Variants in ANKRD26 observed in about 807,000 individuals in gnomAD.
ANKRD26 encodes the protein ankyrin repeat domain-containing protein 26.
ANKRD26 carries 141 observed loss-of-function variants against 208.7 expected under a neutral mutation model. The observed-to-expected ratio is 0.68, with a 90% CI of 0.59 to 0.78. The LOEUF is 0.78. ANKRD26 is among the 30% of genes least tolerant of loss of function. ANKRD26 has a pLI of 0.00. For missense variants in ANKRD26, 1,889 were observed against 1,938.7 expected (o/e 0.97, Z 0.48); for synonymous variants, 636 against 660.4 (o/e 0.96, Z 0.57).
At chr10:26,987,157 A>T (rs989512088), downstream of ANKRD26, among the ~76,000 whole-genome samples, 1 of 152,280 alleles carries the variant, frequency 6.6e-6, no homozygotes, top group Admixed American at 6.5e-5. Flanking sequence ...GGAAACCATC[A>T]TTCTCAGCAA....
At chr10:27,025,514 T>G (rs1018241029) in intron 27 of ANKRD26, among the ~76,000 whole-genome samples, 4 of 152,150 alleles carry the variant, frequency 2.6e-5, no homozygotes, top group African/African-American at 7.2e-5. Context: ...GAGATCTACT[T>G]CTTCATCACT....
At position 27,034,806 on chromosome 10, in the gene ANKRD26, G is replaced by A. The variant is rs1564373490; in HGVS notation, c.3644C>T (p.Ala1215Val). ...ERQYQYENEK[A>V]EREVVVRQLQ... ...TTTCTTGATACTTACTTCTCTTTCT[G>A]CCTTTTCATTTTCATATTGATACTG... Residue 1215 changes from alanine to valine, a missense_variant, in exon 24 of 34, where the codon GCA (alanine) becomes GTA (valine). Physicochemically the swap from Ala to Val is moderately conservative, Grantham distance 64. Transcript: ENST00000376087. The A allele has an allele frequency of 1.2e-6, 2 of 1,601,350 alleles. No homozygotes were observed. The highest frequency in any genetic ancestry group is 4.5e-5 in the East Asian group (2 of 44,744).
In ANKRD26 at chr10:27,029,363, C is replaced by T; in HGVS notation, c.3808-7G>A. The T allele has an allele frequency of 2.5e-6, 4 of 1,609,164 alleles. No homozygotes were observed. Among genetic ancestry groups the T allele is most frequent in the Non-Finnish European group, 3.4e-6 (4 of 1,177,024 alleles). Reference sequence around the variant, plus strand: ...GATCCTGTGCTTCTTGCAACTAAAACAAAGAATAAAAAAAACCCACTTTAC... The same window carrying T: ...GATCCTGTGCTTCTTGCAACTAAAATAAAGAATAAAAAAAACCCACTTTAC... On this transcript the variant is annotated splice_region_variant and splice_polypyrimidine_tract_variant and intron_variant, in intron 25 of 33. Coordinates refer to ENST00000376087, the MANE Select transcript of ANKRD26 (RefSeq NM_014915.3).
chr10:27,026,637 C>T (rs1246815499), intron 27 of ANKRD26, among the ~76,000 whole-genome samples: 1 of 152,148 alleles, frequency 6.6e-6, no homozygotes, highest in East Asian at 1.9e-4. Flanking sequence ...TTCTGATCTT[C>T]ATTTCTACAC....
At chr10:27,031,150 C>A (rs1004057212) in intron 25 of ANKRD26, among the ~76,000 whole-genome samples, 2 of 152,108 alleles carry the variant, frequency 1.3e-5, no homozygotes, top group Admixed American at 1.3e-4. Context: ...GGAAGAACAG[C>A]AGGAGTCAAG....
At chr10:27,084,051 A>G (rs2056023602) in intron 5 of ANKRD26, among the ~76,000 whole-genome samples, 1 of 152,018 alleles carries the variant, frequency 6.6e-6, no homozygotes. Context: ...CGTCTCTACT[A>G]AAAGTACAAA....
Position 26,979,316 on chromosome 10 carries a change from T to C in ANKRD26, c.*281+1260A>G, listed in dbSNP as rs556774937. 3.9e-5 allele frequency among the ~76,000 whole-genome samples: 6 copies of C among 152,324 alleles called. No homozygotes were observed. The South Asian group carries it at 1.0e-3, about 26-fold the overall frequency. On this transcript the variant is annotated intron_variant and NMD_transcript_variant, in intron 5 of 5. Transcript: ENST00000674670. The stretch of plus-strand genomic sequence containing the variant: ...ATCAAGCCAAATGTGACTTGATGCC[T>C]TGACCAAAAAAGACTTTTCTAGTAT...
intron 1 of ANKRD26, among the ~76,000 whole-genome samples, chr10:27,095,636 C>T (rs1024044640): frequency 1.3e-5 from 2 of 152,174 alleles, no homozygotes; most frequent in African/African-American, 4.8e-5. Flanking sequence ...CCACTTTACT[C>T]CAGCCTGGGT....
At chr10:27,083,312 T>C (rs190090913) in intron 5 of ANKRD26, among the ~76,000 whole-genome samples, 3 of 152,176 alleles carry the variant, frequency 2.0e-5, no homozygotes, top group African/African-American at 7.2e-5. Context: ...TCTTAACTGA[T>C]AGCTTTCACA....
In ANKRD26 at chr10:27,037,999, T is replaced by G; in HGVS notation, c.2431A>C (p.Lys811Gln). The change falls in exon 22 of 34, where the codon AAA becomes CAA. Residue 811 changes from lysine (K) to glutamine (Q), a missense_variant. Around this residue, in one of 3 missense-constraint regions of ANKRD26, gnomAD observed 1,272 missense variants for 1,273.8 expected, o/e 1.00. Transcript: ENST00000376087. ...KRRNADTLYEKIREQLRRKEE... is the reference protein window; with the variant it reads ...KRRNADTLYEQIREQLRRKEE... Reference sequence around the variant, plus strand: ...TTTCTTCTTAACTGTTCCCTAATTTTTTCATACAACGTATCAGCATTTCTT... The same window carrying G: ...TTTCTTCTTAACTGTTCCCTAATTTGTTCATACAACGTATCAGCATTTCTT... 1 of 1,612,748 alleles carries G rather than the reference T, an allele frequency of 6.2e-7. No individual in the cohort carries two copies. Among genetic ancestry groups the G allele is most frequent in the Non-Finnish European group, 8.5e-7 (1 of 1,179,760 alleles).
intron 4 of ANKRD26, chr10:26,995,195 T>A (rs1362816985): frequency 2.1e-6 from 1 of 470,906 alleles, no homozygotes; most frequent in South Asian, 1.6e-5. Context: ...GATATGATAA[T>A]ATTTGGAGAT....
At chr10:27,092,077 G>A (rs2135722512) in intron 4 of ANKRD26, among the ~76,000 whole-genome samples, 1 of 151,784 alleles carries the variant, frequency 6.6e-6, no homozygotes, top group East Asian at 1.9e-4. Flanking sequence ...AGATCACATG[G>A]CCAAAAACAT....
chr10:27,015,002 C>T (rs180990488), intron 30 of ANKRD26, among the ~76,000 whole-genome samples: 160 of 151,992 alleles, frequency 1.1e-3, no homozygotes, highest in Admixed American at 3.1e-3. Flanking sequence ...AGATGTCTAA[C>T]GATGGGGGGA....
chr10:27,080,866 G>C (rs771661171), intron 6 of ANKRD26: 13 of 985,430 alleles, frequency 1.3e-5, no homozygotes, highest in Non-Finnish European at 1.6e-5. Flanking sequence ...CTCCATGACT[G>C]ACTTGCCAGC....
chr10:27,043,622 C>G, intron 19 of ANKRD26, 55 bp from the exon 20 acceptor site: 3 of 1,531,238 alleles, frequency 2.0e-6, no homozygotes, highest in South Asian at 2.3e-5. Flanking sequence ...ATAGCACATA[C>G]AGAAGTGGTA....
chr10:27,081,030 G>A (rs574521687), intron 6 of ANKRD26: 8 of 837,320 alleles, frequency 9.6e-6, no homozygotes, highest in East Asian at 1.2e-4. Flanking sequence ...CAAAGCCACC[G>A]ATAAGTTGAG....
intron 5 of ANKRD26, among the ~76,000 whole-genome samples, chr10:26,979,031 C>G (rs1425681870): frequency 6.6e-6 from 1 of 151,962 alleles, no homozygotes; most frequent in Non-Finnish European, 1.5e-5. Context: ...GACCATCTTG[C>G]CTAACACAGT....
intron 13 of ANKRD26, among the ~76,000 whole-genome samples, 174 bp from the exon 14 acceptor site, chr10:27,060,714 G>A (rs2055024258): frequency 6.6e-6 from 1 of 151,930 alleles, no homozygotes; most frequent in South Asian, 2.1e-4. Context: ...AAGTATACTG[G>A]AGAAAAAAAC....
chr10:27,033,726 C>T (rs974539490), intron 24 of ANKRD26, among the ~76,000 whole-genome samples: 7 of 152,166 alleles, frequency 4.6e-5, no homozygotes, highest in Non-Finnish European at 8.8e-5. Flanking sequence ...CCCTATGAAA[C>T]ATTTTTGCTC....
Sources: gnomAD v4.1 joint callset for allele counts (sites outside exome capture counted in the v4.1 genomes callset) on GRCh38, gnomAD v4.1.1 for gene constraint, gnomAD v4.1.1 regional missense constraint, MANE v1.5 for transcripts, NCBI Gene and HGNC (gene_info 2026-07-23, HGNC 2026-07-21) for gene names.